The following ABCC1 variants were observed in gnomAD, a reference collection of about 807,000 sequenced individuals.
ABCC1 encodes the protein ATP binding cassette subfamily C member 1 (ABCC1 blood group).
ABCC1 carries 83 observed loss-of-function variants against 172.9 expected under a neutral mutation model. The ratio of observed to expected loss-of-function variants is 0.48; its 90% CI spans 0.40 to 0.58. ABCC1 has a LOEUF of 0.58. Among genes scored for constraint, ABCC1 ranks in the 20% least tolerant of loss-of-function variants. The pLI, the probability that ABCC1 is intolerant of heterozygous loss-of-function variation, is 0.00. For missense variants in ABCC1, 1,817 were observed against 2,002.7 expected (o/e 0.91, Z 1.77); for synonymous variants, 937 against 825.2 (o/e 1.14, Z -2.32).
chr16:16,057,986 G>A (rs2049742300), intron 12 of ABCC1, among the ~76,000 whole-genome samples: 1 of 152,100 alleles, frequency 6.6e-6, no homozygotes, highest in Non-Finnish European at 1.5e-5. Context: ...ACGTGCAGAT[G>A]CGCCCTGCTG....
At chr16:16,076,488 C>A (rs1254504208) in intron 15 of ABCC1, 87 bp downstream of exon 15, 2 of 1,293,360 alleles carry the variant, frequency 1.5e-6, no homozygotes, top group Non-Finnish European at 2.1e-6. Context: ...ACCGTGCTCC[C>A]TCTCTGTGAC....
At chr16:15,991,988 C>T (rs914931367) in intron 1 of ABCC1, among the ~76,000 whole-genome samples, 5 of 152,070 alleles carry the variant, frequency 3.3e-5, no homozygotes, top group East Asian at 1.9e-4. Context: ...GGCAGGCGAG[C>T]GTGTGAGACT....
intron 4 of ABCC1, among the ~76,000 whole-genome samples, chr16:16,015,452 T>G (rs569056762): frequency 6.0e-4 from 91 of 152,262 alleles, no homozygotes; most frequent in African/African-American, 2.2e-3. Context: ...GTGTGTGCTT[T>G]TGGAATAACC....
chr16:15,954,795 G>A (rs377536381), intron 1 of ABCC1, among the ~76,000 whole-genome samples: 2 of 151,922 alleles, frequency 1.3e-5, no homozygotes, highest in African/African-American at 4.8e-5. Flanking sequence ...GGTGGTAGAT[G>A]GGGGGGAAGA....
intron 13 of ABCC1, among the ~76,000 whole-genome samples, chr16:16,069,169 A>AAAATAAAT (rs56098532): frequency 4.4e-4 from 47 of 107,536 alleles, no homozygotes; most frequent in Admixed American, 7.1e-4. Flanking sequence ...AAATAAAATA[A>AAAATAAAT]AAATAAATAA....
rs932821566 is a variant in ABCC1, at chr16:16,087,048, A to G, written c.2460+57A>G. 23 of 1,592,776 alleles carry G rather than the reference A, an allele frequency of 1.4e-5. No homozygotes were observed. The Admixed American group carries it at 3.6e-4, about 25-fold the overall frequency. ...GGCCGTCTCGCCCTTTGGTTAAGTCAGAACGTGTCCCCTTTAGGAGTCCTT... is the reference window on the plus strand; with the variant it reads ...GGCCGTCTCGCCCTTTGGTTAAGTCGGAACGTGTCCCCTTTAGGAGTCCTT... On this transcript the variant is annotated intron_variant, in intron 18 of 30. Coordinates refer to ENST00000399410, the MANE Select transcript of ABCC1 (RefSeq NM_004996.4).
chr16:16,125,693 A>G (rs578097474), intron 25 of ABCC1, 117 bp from the exon 26 acceptor site: 39 of 711,080 alleles, frequency 5.5e-5, no homozygotes, highest in African/African-American at 4.5e-4. Context: ...TCAGCCTCCC[A>G]TAATTCATAC....
At chr16:16,016,264 C>G (rs538852413) in intron 4 of ABCC1, among the ~76,000 whole-genome samples, 7 of 149,760 alleles carry the variant, frequency 4.7e-5, no homozygotes, top group African/African-American at 1.7e-4. Context: ...AGTGATTCTC[C>G]TGTCTCAGCC....
chr16:15,981,742 T>C (rs920518922), intron 1 of ABCC1, among the ~76,000 whole-genome samples: 1 of 152,190 alleles, frequency 6.6e-6, no homozygotes. Flanking sequence ...GTGATTAACA[T>C]TTGGTTCCGT....
intron 1 of ABCC1, among the ~76,000 whole-genome samples, chr16:15,977,713 G>T (rs755189780): frequency 1.3e-5 from 2 of 152,124 alleles, no homozygotes; most frequent in African/African-American, 2.4e-5. Flanking sequence ...CTTCCAGAGT[G>T]CTGGGATTAC....
At chr16:16,002,687 G>T (rs960189157) in intron 1 of ABCC1, among the ~76,000 whole-genome samples, 1 of 151,672 alleles carries the variant, frequency 6.6e-6, no homozygotes, top group African/African-American at 2.4e-5. Context: ...TGGGAGGATT[G>T]CTGGAGCCTG....
intron 1 of ABCC1, among the ~76,000 whole-genome samples, chr16:16,006,906 GTGA>G (rs1219472223): frequency 5.0e-4 from 60 of 119,884 alleles, no homozygotes; most frequent in Admixed American, 4.5e-3. Flanking sequence ...GGTGGCGATG[GTGA>G]TGATGATGGT....
At chr16:16,037,101 C>CAG in intron 7 of ABCC1, among the ~76,000 whole-genome samples, 1 of 138,578 alleles carries the variant, frequency 7.2e-6, no homozygotes, top group East Asian at 2.1e-4. Flanking sequence ...GACTCCGTCT[C>CAG]AAAAAAAAAA....
intron 5 of ABCC1, among the ~76,000 whole-genome samples, chr16:16,020,606 AC>A (rs1486472742): frequency 2.6e-5 from 4 of 152,180 alleles, no homozygotes; most frequent in Non-Finnish European, 5.9e-5. Flanking sequence ...AGTCTAAGAT[AC>A]CTACCATCTG....
intron 20 of ABCC1, among the ~76,000 whole-genome samples, chr16:16,104,255 C>A (rs1417875513): frequency 1.3e-5 from 2 of 152,152 alleles, no homozygotes; most frequent in Admixed American, 1.3e-4. Context: ...TGGCAGCCAG[C>A]TTTTATTCTC....
Position 16,131,866 on chromosome 16 carries a change from C to T in ABCC1, c.3897C>T (p.Cys1299=), listed in dbSNP as rs375787702. The T allele has an allele frequency of 1.1e-5, 18 of 1,614,082 alleles. No individual in the cohort carries two copies. In the African/African-American group the frequency reaches 2.0e-4, roughly 18 times the overall value. ...QVGRVEFRNY[C]LRYREDLDFV... ...GCCGAGTGGAATTCCGGAACTACTGCCTGCGCTACCGAGAGGACCTGGACT... is the reference window on the plus strand; with the variant it reads ...GCCGAGTGGAATTCCGGAACTACTGTCTGCGCTACCGAGAGGACCTGGACT... Residue 1299 remains cysteine (C), a synonymous_variant, in exon 27 of 31, where the codon TGC becomes TGT. Coordinates refer to ENST00000399410, the MANE Select transcript of ABCC1 (RefSeq NM_004996.4).
rs369637817 is a variant in ABCC1, at chr16:16,071,625, C to T, written c.1825-17C>T. On this transcript the variant is annotated splice_polypyrimidine_tract_variant and intron_variant, in intron 13 of 30. Coordinates refer to ENST00000399410, the MANE Select transcript of ABCC1 (RefSeq NM_004996.4). ...CTTTTTAAAAATAACTCTCCCCTGC[C>T]ATTGCTCTCTGTACAGGCGAGTGTC... 1.8e-5 allele frequency: 29 copies of T among 1,609,988 alleles called. No individual in the cohort carries two copies. Among genetic ancestry groups the T allele is most frequent in the Non-Finnish European group, 2.5e-5 (29 of 1,176,996 alleles).
At chr16:16,102,771 G>A in intron 20 of ABCC1, 54 bp downstream of exon 20, 3 of 1,518,148 alleles carry the variant, frequency 2.0e-6, no homozygotes, top group Non-Finnish European at 2.7e-6. Flanking sequence ...CCAGTGGGAG[G>A]ACAAGAGGAG....
At chr16:15,953,083 C>T (rs1311793134) in intron 1 of ABCC1, among the ~76,000 whole-genome samples, 1 of 151,900 alleles carries the variant, frequency 6.6e-6, no homozygotes, top group Non-Finnish European at 1.5e-5. Flanking sequence ...TGCCTGTAAT[C>T]CCAGCACTTT....
Sources: gnomAD v4.1 joint callset for allele counts (sites outside exome capture counted in the v4.1 genomes callset) on GRCh38, gnomAD v4.1.1 for gene constraint, MANE v1.5 for transcripts, NCBI Gene and HGNC (gene_info 2026-07-23, HGNC 2026-07-21) for gene names.